The following TTPAL variants were observed in gnomAD, a reference collection of about 807,000 sequenced individuals.
TTPAL encodes the protein alpha tocopherol transfer protein like.
A neutral mutation model predicts 28.7 loss-of-function variants in TTPAL; 21 were observed. The ratio of observed to expected loss-of-function variants is 0.73; its 90% CI spans 0.52 to 1.06. The LOEUF is 1.06. Ranked by LOEUF, TTPAL falls within the 50% of genes least tolerant of loss-of-function variation. The pLI, the probability that TTPAL is intolerant of heterozygous loss-of-function variation, is 0.00. For missense variants in TTPAL, 345 were observed against 425.5 expected (o/e 0.81, Z 1.67); for synonymous variants, 169 against 171.9 (o/e 0.98, Z 0.13).
At position 44,490,637 on chromosome 20, in the gene TTPAL, T is replaced by A. The variant is rs190524136; in HGVS notation, c.*1096T>A. Reference sequence around the variant, plus strand: ...CTCACTGACACCAATTTTCTTTTTATAGTGATGGTTCAATTTTGAAAAGAT... The same window carrying A: ...CTCACTGACACCAATTTTCTTTTTAAAGTGATGGTTCAATTTTGAAAAGAT... On this transcript the variant is annotated 3_prime_UTR_variant, in exon 5 of 5. Coordinates refer to ENST00000262605, the MANE Select transcript of TTPAL (RefSeq NM_001039199.3). 1 of 152,328 alleles carries A rather than the reference T, an allele frequency of 6.6e-6. No individual in the cohort carries two copies. The highest frequency in any genetic ancestry group is 2.4e-5 in the African/African-American group (1 of 41,444). 9.4% of individuals were successfully genotyped at this position (152,328 alleles called of 1,614,324 possible).
chr20:44,484,652 C>A, intron 3 of TTPAL, 122 bp downstream of exon 3: 1 of 685,702 alleles, frequency 1.5e-6, no homozygotes, highest in Non-Finnish European at 2.4e-6. Context: ...ATCTGAAAAA[C>A]ACAAAAGCAT....
rs1236971547 is a variant in TTPAL, at chr20:44,489,599, A to G, written c.*58A>G. 9.2e-6 allele frequency: 14 copies of G among 1,528,270 alleles called. No homozygotes were observed. The highest frequency in any genetic ancestry group is 1.1e-5 in the Non-Finnish European group (12 of 1,134,520). 94.7% of individuals were successfully genotyped at this position (1,528,270 alleles called of 1,614,324 possible). On this transcript the variant is annotated 3_prime_UTR_variant, in exon 5 of 5. Coordinates refer to ENST00000262605, the MANE Select transcript of TTPAL (RefSeq NM_001039199.3). ...TTCCTTCTTTTCTTTGGAGAGGCAC[A>G]AGGAGAATTTAAGGGTCCATGGATT...
At chr20:44,483,347 C>T (rs2064123828) in intron 2 of TTPAL, among the ~76,000 whole-genome samples, 1 of 152,218 alleles carries the variant, frequency 6.6e-6, no homozygotes. Flanking sequence ...TCTCTTGCCT[C>T]ATGGGGCCCG....
chr20:44,478,428 T>C (rs901350776), intron 1 of TTPAL, among the ~76,000 whole-genome samples: 5 of 152,342 alleles, frequency 3.3e-5, no homozygotes, highest in Middle Eastern at 3.4e-3. Context: ...ACAGAAGGGC[T>C]GTGGAAAGTT....
At chr20:44,476,312 C>T (rs1389736669) in intron 1 of TTPAL, among the ~76,000 whole-genome samples, 1 of 152,216 alleles carries the variant, frequency 6.6e-6, no homozygotes, top group African/African-American at 2.4e-5. Flanking sequence ...CTGCATCTCA[C>T]TCATATGTCC....
chr20:44,482,329 T>C (rs1456800496), intron 2 of TTPAL, among the ~76,000 whole-genome samples: 2 of 151,976 alleles, frequency 1.3e-5, no homozygotes, highest in African/African-American at 2.4e-5. Context: ...AGGTGGATCA[T>C]GAGGTCAGGA....
intron 2 of TTPAL, among the ~76,000 whole-genome samples, chr20:44,482,882 G>C (rs935411396): frequency 2.0e-5 from 3 of 151,928 alleles, no homozygotes; most frequent in Admixed American, 2.0e-4. Flanking sequence ...TTTTGAGACA[G>C]AGTCTCGCTC....
chr20:44,475,917 C>G lies in TTPAL; in HGVS notation c.-90C>G, dbSNP rs866296597. The G allele has an allele frequency of 9.8e-5, 15 of 152,368 alleles. No individual in the cohort carries two copies. The highest frequency in any genetic ancestry group is 3.6e-4 in the African/African-American group (15 of 41,592). The allele number at this position is 152,368 out of a possible 1,614,324, so 9.4% of individuals were successfully genotyped here. A position where few individuals can be genotyped will look rare whatever the true frequency, so the allele number is the denominator to read the frequency against. On this transcript the variant is annotated 5_prime_UTR_variant, in exon 1 of 5. Transcript: ENST00000262605. Reference sequence around the variant, plus strand: ...GGCCGGGCAGGCCGGGCAGGGAGTGCGGGTCGGTTCTGCGTGCGCTGCCGG... The same window carrying G: ...GGCCGGGCAGGCCGGGCAGGGAGTGGGGGTCGGTTCTGCGTGCGCTGCCGG...
At position 44,493,498 on chromosome 20, in the gene TTPAL, T is replaced by C. The variant is rs2064226851; in HGVS notation, c.*3957T>C. On this transcript the variant is annotated 3_prime_UTR_variant, in exon 5 of 5. Transcript: ENST00000262605. ...TATTGCTGTGGCGATTATAATACTT[T>C]TAAAAAGTTTTACCATTTTAAAGTT... is the stretch of plus-strand genomic sequence containing the variant. 6.6e-6 allele frequency: 1 copy of C among 152,356 alleles called. No individual in the cohort carries two copies. Among genetic ancestry groups the C allele is most frequent in the Non-Finnish European group, 1.5e-5 (1 of 68,036 alleles). 9.4% of individuals were successfully genotyped at this position (152,356 alleles called of 1,614,324 possible).
intron 2 of TTPAL, among the ~76,000 whole-genome samples, chr20:44,483,624 G>A (rs1197927556): frequency 6.6e-6 from 1 of 152,138 alleles, no homozygotes; most frequent in African/African-American, 2.4e-5. Flanking sequence ...TTAGTGCTAT[G>A]AAGATAAGGG....
chr20:44,486,858 G>C, intron 4 of TTPAL, 152 bp downstream of exon 4: 1 of 576,470 alleles, frequency 1.7e-6, no homozygotes, highest in Non-Finnish European at 3.1e-6. Flanking sequence ...CCTTTTGTGA[G>C]GAGAAGATGG....
At chr20:44,486,765 C>A in intron 4 of TTPAL, 59 bp downstream of exon 4, 2 of 953,468 alleles carry the variant, frequency 2.1e-6, no homozygotes, top group Non-Finnish European at 3.2e-6. Context: ...TTATTTGTGA[C>A]ATCTGGTACT....
At chr20:44,478,182 G>A (rs2064063650) in intron 1 of TTPAL, among the ~76,000 whole-genome samples, 1 of 152,210 alleles carries the variant, frequency 6.6e-6, no homozygotes, top group Non-Finnish European at 1.5e-5. Flanking sequence ...GATGAGGTTA[G>A]ACGTGCTAGA....
intron 2 of TTPAL, among the ~76,000 whole-genome samples, chr20:44,483,373 C>G (rs1170565716): frequency 6.6e-6 from 1 of 152,164 alleles, no homozygotes; most frequent in African/African-American, 2.4e-5. Flanking sequence ...CTCAGACTCA[C>G]CGCCTCAAAA....
rs1215449677 is a variant in TTPAL, at chr20:44,480,234, G to T, written c.235G>T (p.Ala79Ser). ...CAACCTGAGCACATCCCTCGACGAT[G>T]CCTTCCTGCTGCGCTTCCTCCGAGC... is the stretch of plus-strand genomic sequence containing the variant. ...YPNLSTSLDD[A>S]FLLRFLRARK... The change falls in exon 2 of 5, where the codon GCC becomes TCC. Residue 79 changes from alanine to serine, a missense_variant. By Grantham distance (99) the Ala-to-Ser change is moderately conservative. Transcript: ENST00000262605. The surrounding 1 kb of genome is among the most constrained non-coding windows in gnomAD (Gnocchi z 4.1). The T allele has an allele frequency of 5.6e-6, 9 of 1,614,166 alleles. No homozygotes were observed. The highest frequency in any genetic ancestry group is 5.9e-6 in the Non-Finnish European group (7 of 1,180,018).
chr20:44,480,177 G>A lies in TTPAL; in HGVS notation c.178G>A (p.Ala60Thr). ...GGAATGGAGACTTCGAGATGTGCAG[G>A]CCCTTCGTGACATGGTGCGGAAGGA... ...KPEWRLRDVQ[A>T]LRDMVRKEYP... is the part of the protein sequence containing the mutation. Residue 60 changes from alanine to threonine, a missense_variant, in exon 2 of 5, where the codon GCC (alanine) becomes ACC (threonine). By Grantham distance (58) the Ala-to-Thr change is moderately conservative. Coordinates refer to ENST00000262605, the MANE Select transcript of TTPAL (RefSeq NM_001039199.3). This position sits in a 1 kb window ranked among gnomAD's most constrained non-coding sequence, Gnocchi z 4.1. 1 of 1,614,096 alleles carries A rather than the reference G, an allele frequency of 6.2e-7. No homozygotes were observed. Among genetic ancestry groups the A allele is most frequent in the Non-Finnish European group, 8.5e-7 (1 of 1,180,008 alleles).
chr20:44,479,089 C>G (rs1042562805), intron 1 of TTPAL, among the ~76,000 whole-genome samples: 3 of 152,056 alleles, frequency 2.0e-5, no homozygotes, highest in African/African-American at 7.2e-5. Context: ...GCGCCCGGCC[C>G]CCTAATTCTT....
In TTPAL at chr20:44,480,344, C is replaced by G. The variant is rs751344584; in HGVS notation, c.345C>G (p.Asn115Lys). ...GAAGCTGGCCCGAAGTCTTCAATAA[C>G]TTGAAGCCATCAGCCTTAAAAGATG... ...CRRSWPEVFN[N>K]LKPSALKDVL... Residue 115 changes from asparagine to lysine, a missense_variant, in exon 2 of 5, where the codon AAC (asparagine) becomes AAG (lysine). Transcript: ENST00000262605. This position sits in a 1 kb window ranked among gnomAD's most constrained non-coding sequence, Gnocchi z 4.1. 7 of 1,614,186 alleles carry G rather than the reference C, an allele frequency of 4.3e-6. No homozygotes were observed. The South Asian group carries it at 6.6e-5, about 15-fold the overall frequency.
intron 4 of TTPAL, among the ~76,000 whole-genome samples, chr20:44,488,433 C>T (rs1173173764): frequency 2.6e-5 from 4 of 152,150 alleles, no homozygotes; most frequent in Admixed American, 2.0e-4. Flanking sequence ...TATTGATCAA[C>T]TCTATGTACA....
Sources: allele counts gnomAD v4.1 joint callset (sites outside exome capture counted in the v4.1 genomes callset), GRCh38; gene constraint gnomAD v4.1.1; non-coding constraint Gnocchi (gnomAD v3.1); transcripts MANE v1.5; gene names NCBI Gene and HGNC (gene_info 2026-07-23, HGNC 2026-07-21).